TESPA1: variants seen among roughly 807,000 people sequenced by gnomAD.
TESPA1 encodes protein TESPA1.
In TESPA1, 33 loss-of-function variants were observed where a neutral mutation model predicts 57.9. The ratio of observed to expected loss-of-function variants is 0.57; its 90% CI spans 0.43 to 0.76. TESPA1 has a LOEUF of 0.76. TESPA1 is among the 30% of genes least tolerant of loss of function. The probability of loss-of-function intolerance (pLI) is 0.00; values close to 1 mark genes in which losing one functional copy is unlikely to be tolerated. For missense variants in TESPA1, 618 were observed against 632.9 expected, an observed-to-expected ratio of 0.98 and a Z score of 0.25; for synonymous variants, 227 against 228.9, an observed-to-expected ratio of 0.99 and a Z score of 0.07.
intron 1 of TESPA1, among the ~76,000 whole-genome samples, chr12:54,983,603 A>G (rs1256067012): frequency 6.6e-6 from 1 of 152,116 alleles, no homozygotes; most frequent in East Asian, 1.9e-4. Context: ...CAGAGTCACT[A>G]GTACTTCCCT....
chr12:54,969,596 C>T lies in TESPA1; in HGVS notation c.207-1704G>A, dbSNP rs928726033. ...AATCCCTATTTATTATAAAATTAAA[C>T]AATTATATAATAACTATACAACTTA... On this transcript the variant is annotated intron_variant, in intron 3 of 10. Coordinates refer to ENST00000449076, the MANE Select transcript of TESPA1 (RefSeq NM_001136030.3). Among the ~76,000 whole-genome samples the T allele has an allele frequency of 2.2e-4, 34 of 152,136 alleles. 1 individual carries two copies. The highest frequency in any genetic ancestry group is 7.7e-4 in the African/African-American group (32 of 41,512).
chr12:54,982,759 T>A (rs1471400033), intron 1 of TESPA1, among the ~76,000 whole-genome samples: 4 of 152,192 alleles, frequency 2.6e-5, no homozygotes, highest in Non-Finnish European at 4.4e-5. Context: ...GCTCTGTGAA[T>A]TCGTATCTTT....
intron 4 of TESPA1, 38 bp downstream of exon 4, chr12:54,967,805 A>G (rs1214355799): frequency 7.4e-6 from 12 of 1,611,496 alleles, no homozygotes; most frequent in Non-Finnish European, 1.0e-5. Flanking sequence ...ATCACTCTCC[A>G]GGTAGAAGAA....
intron 1 of TESPA1, among the ~76,000 whole-genome samples, chr12:54,978,760 G>T (rs564875700): frequency 6.6e-6 from 1 of 152,052 alleles, no homozygotes; most frequent in Admixed American, 6.6e-5. Context: ...CTAATCAAAC[G>T]AATTCTTTCT....
At chr12:54,961,479 A>T (rs1370067987) in intron 9 of TESPA1, among the ~76,000 whole-genome samples, 1 of 152,244 alleles carries the variant, frequency 6.6e-6, no homozygotes, top group African/African-American at 2.4e-5. Flanking sequence ...ATGATATTTC[A>T]AATAATCACG....
Position 54,966,040 on chromosome 12 carries a change from C to T in TESPA1, c.446+13G>A, listed in dbSNP as rs1430021971. The T allele has an allele frequency of 1.9e-6, 3 of 1,561,776 alleles. No homozygotes were observed. On this transcript the variant is annotated intron_variant, in intron 7 of 10. Coordinates refer to ENST00000449076, the MANE Select transcript of TESPA1 (RefSeq NM_001136030.3). ...TTCTCCACCCTTCCACCCTGCCAAACTTCAGTACCTACCTTGAACTAGTCT... is the reference window on the plus strand; with the variant it reads ...TTCTCCACCCTTCCACCCTGCCAAATTTCAGTACCTACCTTGAACTAGTCT...
chr12:54,973,781 G>A (rs531511662), intron 2 of TESPA1: 1 of 1,237,732 alleles, frequency 8.1e-7, no homozygotes, highest in African/African-American at 1.5e-5. Flanking sequence ...GCTGTCTTTT[G>A]AGAGTTCCTT....
chr12:54,961,690 G>A (rs748540833), intron 9 of TESPA1, among the ~76,000 whole-genome samples: 1 of 152,144 alleles, frequency 6.6e-6, no homozygotes, highest in Non-Finnish European at 1.5e-5. Flanking sequence ...AACATTCTTT[G>A]GTTACCCAGA....
Position 54,973,478 on chromosome 12 carries a change from C to G in TESPA1, c.205G>C (p.Gly69Arg), listed in dbSNP as rs773279415. Residue 69 changes from glycine (G) to arginine (R), a missense_variant and splice_region_variant, in exon 3 of 11, where the codon GGA (glycine) becomes CGA (arginine). Physicochemically the swap from Gly to Arg is moderately radical, Grantham distance 125. Coordinates refer to ENST00000449076, the MANE Select transcript of TESPA1 (RefSeq NM_001136030.3). ...NKIEDWLQDC[G>R]YSEEGFSEEA... ...CCCCATTGCCTGTCCAGCACTTACC[C>G]GCAATCCTGCAGCCAGTCTTCAATT... 1 of 1,613,976 alleles carries G rather than the reference C, an allele frequency of 6.2e-7. No homozygotes were observed. The highest frequency in any genetic ancestry group is 1.1e-5 in the South Asian group (1 of 91,084).
At chr12:54,970,155 C>A (rs1009782858) in intron 3 of TESPA1, among the ~76,000 whole-genome samples, 1 of 152,098 alleles carries the variant, frequency 6.6e-6, no homozygotes, top group African/African-American at 2.4e-5. Context: ...CCAGGGTGGT[C>A]TTGAACTCTT....
At chr12:54,965,427 G>A (rs1348289429) in intron 7 of TESPA1, among the ~76,000 whole-genome samples, 1 of 152,084 alleles carries the variant, frequency 6.6e-6, no homozygotes, top group African/African-American at 2.4e-5. Flanking sequence ...CTCCCACTTA[G>A]ACGTGAAAAC....
rs1592415159 is a variant in TESPA1 at position 54,974,635 on chromosome 12, C to T, written c.-45-28G>A. Reference sequence around the variant, plus strand: ...AAGAGTTGAAAAACAGTGATACTCCCTCATCATATGCTCAGAAACCATCAT... The same window carrying T: ...AAGAGTTGAAAAACAGTGATACTCCTTCATCATATGCTCAGAAACCATCAT... On this transcript the variant is annotated intron_variant, in intron 1 of 10. Transcript: ENST00000449076. The T allele has an allele frequency of 3.6e-6, 5 of 1,391,022 alleles. No individual in the cohort carries two copies. In the East Asian group the frequency reaches 8.3e-5, roughly 23 times the overall value. 86.2% of individuals were successfully genotyped at this position (1,391,022 alleles called of 1,614,324 possible). A position where few individuals can be genotyped will look rare whatever the true frequency, so the allele number is the denominator to read the frequency against.
intron 3 of TESPA1, 33 bp downstream of exon 3, chr12:54,973,444 C>T (rs773626809): frequency 9.3e-6 from 15 of 1,613,862 alleles, no homozygotes; most frequent in Non-Finnish European, 1.3e-5. Flanking sequence ...AACCATCAGC[C>T]ACATACCACC....
At chr12:54,976,298 T>C (rs1035715792) in intron 1 of TESPA1, among the ~76,000 whole-genome samples, 14 of 152,210 alleles carry the variant, frequency 9.2e-5, no homozygotes, top group African/African-American at 3.4e-4. Context: ...AAAAGTCTTA[T>C]CAGTTTGTTT....
chr12:54,983,253 C>T (rs544562121), intron 1 of TESPA1, among the ~76,000 whole-genome samples: 4 of 152,118 alleles, frequency 2.6e-5, no homozygotes, highest in Non-Finnish European at 4.4e-5. Context: ...ATGTTGGTAG[C>T]GTGGTTGTAA....
intron 3 of TESPA1, among the ~76,000 whole-genome samples, chr12:54,971,054 C>T (rs1951800285): frequency 1.3e-5 from 2 of 152,222 alleles, no homozygotes; most frequent in Non-Finnish European, 2.9e-5. Flanking sequence ...GCAGAATAGT[C>T]GGCCGCTAGA....
intron 5 of TESPA1, 144 bp from the exon 6 acceptor site, chr12:54,966,568 T>A (rs564872327): frequency 2.9e-4 from 248 of 870,156 alleles, no homozygotes; most frequent in Non-Finnish European, 3.9e-4. Flanking sequence ...ATTCTGCACT[T>A]CTTGGGGCCT....
At chr12:54,980,518 C>G (rs750902347) in intron 1 of TESPA1, among the ~76,000 whole-genome samples, 2 of 152,214 alleles carry the variant, frequency 1.3e-5, no homozygotes, top group African/African-American at 4.8e-5. Flanking sequence ...ATACCATCAC[C>G]GCCCTGTGGT....
At chr12:54,955,290 C>T (rs1485261808) in intron 10 of TESPA1, among the ~76,000 whole-genome samples, 8 of 152,070 alleles carry the variant, frequency 5.3e-5, no homozygotes, top group Admixed American at 2.6e-4. Flanking sequence ...ACAAAACAAA[C>T]AAATAGATCA....
Sources: gnomAD v4.1 joint callset for allele counts (sites outside exome capture counted in the v4.1 genomes callset) on GRCh38, gnomAD v4.1.1 for gene constraint, MANE v1.5 for transcripts, NCBI Gene and HGNC (gene_info 2026-07-23, HGNC 2026-07-21) for gene names.